Variants in DOCK1 observed in about 807,000 individuals in gnomAD.
The protein encoded by DOCK1 is dedicator of cytokinesis protein 1.
A neutral mutation model predicts 262.7 loss-of-function variants in DOCK1; 138 were observed. The observed-to-expected ratio is 0.53, with a 90% CI of 0.46 to 0.61. The LOEUF (loss-of-function observed/expected upper bound fraction) is 0.61. DOCK1 is among the 20% of genes least tolerant of loss of function. The pLI is 0.00. For synonymous variants in DOCK1, 866 were observed against 867.4 expected (o/e 1.00, Z 0.03); for missense variants, 1,908 against 2,370.7 (o/e 0.80, Z 4.05).
intron 29 of DOCK1, among the ~76,000 whole-genome samples, chr10:127,296,555 G>A (rs1257868562): frequency 6.6e-6 from 1 of 152,178 alleles, no homozygotes; most frequent in African/African-American, 2.4e-5. Context: ...ATGCCGTCGA[G>A]GCTCTGTCTA....
chr10:127,125,313 C>T lies in DOCK1; in HGVS notation c.2624-161C>T, dbSNP rs186524965. 2.4e-3 allele frequency among the ~76,000 whole-genome samples: 361 copies of T among 152,280 alleles called. 2 individuals carry two copies. The highest frequency in any genetic ancestry group is 8.5e-3 in the African/African-American group (354 of 41,540). On this transcript the variant is annotated intron_variant, in intron 25 of 51. Coordinates refer to ENST00000623213, the MANE Select transcript of DOCK1 (RefSeq NM_001290223.2). ...GAATTATTTACAATAACAGCAGACA[C>T]GGTGTTCTCACAGTCAAGTAATTGA... is the stretch of plus-strand genomic sequence containing the variant.
intron 8 of DOCK1, chr10:126,998,777 C>T (rs1334676736): frequency 6.3e-6 from 1 of 157,678 alleles, no homozygotes; most frequent in African/African-American, 2.4e-5. Flanking sequence ...GCTTAGCCTT[C>T]AGTATAACTT....
intron 32 of DOCK1, among the ~76,000 whole-genome samples, 167 bp from the exon 33 acceptor site, chr10:127,361,897 G>T (rs575172503): frequency 6.6e-6 from 1 of 152,274 alleles, no homozygotes; most frequent in Non-Finnish European, 1.5e-5. Flanking sequence ...TATACTAATG[G>T]CTGGGAAAGT....
intron 13 of DOCK1, among the ~76,000 whole-genome samples, chr10:127,019,525 G>C (rs1016968458): frequency 1.5e-5 from 2 of 130,272 alleles, no homozygotes; most frequent in Non-Finnish European, 3.3e-5. Flanking sequence ...GAGGCGGGGG[G>C]ATCACTTGAA....
intron 29 of DOCK1, among the ~76,000 whole-genome samples, chr10:127,274,873 G>A (rs1384843176): frequency 2.0e-5 from 3 of 152,102 alleles, no homozygotes; most frequent in South Asian, 2.1e-4. Flanking sequence ...GTGGGGTAGG[G>A]TGTGCTTTGG....
intron 2 of DOCK1, 38 bp downstream of exon 2, chr10:126,970,823 G>A (rs371495057): frequency 1.1e-4 from 175 of 1,598,036 alleles, no homozygotes; most frequent in Admixed American, 1.5e-4. Context: ...CTTACATTTT[G>A]GGCAGATGGC....
intron 27 of DOCK1, among the ~76,000 whole-genome samples, chr10:127,210,139 C>G (rs2057910465): frequency 6.6e-6 from 1 of 152,208 alleles, no homozygotes; most frequent in African/African-American, 2.4e-5. Flanking sequence ...CTGGTTCCCT[C>G]ACAGTGAGAA....
chr10:127,249,381 G>A (rs200360090), intron 28 of DOCK1, among the ~76,000 whole-genome samples: 2 of 122,872 alleles, frequency 1.6e-5, no homozygotes, highest in Non-Finnish European at 3.3e-5. Context: ...ATACACATAT[G>A]TACATATATA....
chr10:127,339,116 A>G (rs1208895766), intron 30 of DOCK1, 32 bp downstream of exon 30: 3 of 1,531,208 alleles, frequency 2.0e-6, no homozygotes, highest in African/African-American at 2.8e-5. Context: ...ACCTTTGTGG[A>G]GAAATCATGT....
At chr10:127,006,380 C>T (rs775482946) in intron 10 of DOCK1, among the ~76,000 whole-genome samples, 8 of 152,200 alleles carry the variant, frequency 5.3e-5, no homozygotes, top group Non-Finnish European at 8.8e-5. Flanking sequence ...TCTGTCTACC[C>T]GGCCTCTCCC....
chr10:127,404,558 C>G, intron 40 of DOCK1, 129 bp downstream of exon 40: 1 of 793,846 alleles, frequency 1.3e-6, no homozygotes, highest in African/African-American at 1.7e-5. Context: ...TGCCATAGCT[C>G]GGTGGTTAGC....
intron 1 of DOCK1, among the ~76,000 whole-genome samples, chr10:126,931,301 C>T (rs1013385401): frequency 3.9e-5 from 6 of 151,992 alleles, no homozygotes; most frequent in Admixed American, 6.6e-5. Flanking sequence ...AAAATGAATA[C>T]CATTCCAGGC....
chr10:127,440,557 C>A (rs868307507), intron 49 of DOCK1, among the ~76,000 whole-genome samples: 1 of 152,164 alleles, frequency 6.6e-6, no homozygotes, highest in African/African-American at 2.4e-5. Context: ...CAGCCCTGGG[C>A]GTCGGCGGGC....
intron 28 of DOCK1, among the ~76,000 whole-genome samples, chr10:127,251,167 A>G (rs887393135): frequency 5.3e-5 from 8 of 151,984 alleles, no homozygotes; most frequent in South Asian, 2.1e-4. Flanking sequence ...GGGTTTCTCT[A>G]TGTTGGTCAG....
intron 18 of DOCK1, 30 bp downstream of exon 18, chr10:127,032,350 C>G (rs377316753): frequency 6.1e-6 from 9 of 1,478,122 alleles, no homozygotes; most frequent in Non-Finnish European, 8.1e-6. Flanking sequence ...CACACTCACC[C>G]CAGGAGCTCT....
At chr10:127,039,449 C>A (rs563659439) in intron 19 of DOCK1, among the ~76,000 whole-genome samples, 1 of 152,192 alleles carries the variant, frequency 6.6e-6, no homozygotes, top group Non-Finnish European at 1.5e-5. Flanking sequence ...CATTCTCCCC[C>A]ATTCCCCTCA....
chr10:127,073,808 G>A (rs1362434616), intron 23 of DOCK1, among the ~76,000 whole-genome samples: 1 of 152,226 alleles, frequency 6.6e-6, no homozygotes, highest in East Asian at 1.9e-4. Context: ...CTCACAGGAA[G>A]GCTGAAGGGA....
chr10:126,927,520 T>C (rs916357619), intron 1 of DOCK1, among the ~76,000 whole-genome samples: 182 of 152,162 alleles, frequency 1.2e-3, no homozygotes, highest in Non-Finnish European at 2.2e-3. Flanking sequence ...CACTGCAACC[T>C]CCGCCTCCCG....
chr10:127,140,699 C>G (rs2051155635), intron 27 of DOCK1, among the ~76,000 whole-genome samples: 1 of 70,380 alleles, frequency 1.4e-5, no homozygotes, highest in South Asian at 4.8e-4. Context: ...AGAAACCTGA[C>G]TGGAGGAGGC....
Sources: allele counts gnomAD v4.1 joint callset (sites outside exome capture counted in the v4.1 genomes callset), GRCh38; gene constraint gnomAD v4.1.1; transcripts MANE v1.5; gene names NCBI Gene and HGNC (gene_info 2026-07-23, HGNC 2026-07-21).